The following ZMYND12 variants were observed in gnomAD, a reference collection of about 807,000 sequenced individuals.
The protein encoded by ZMYND12 is zinc finger MYND-type containing 12.
A neutral mutation model predicts 41.7 loss-of-function variants in ZMYND12; 32 were observed. The observed-to-expected ratio is 0.77, with a 90% CI of 0.58 to 1.03. ZMYND12 has a LOEUF of 1.03. ZMYND12 is among the 50% of genes least tolerant of loss of function. The pLI, the probability that ZMYND12 is intolerant of heterozygous loss-of-function variation, is 0.00. For missense variants in ZMYND12, 424 were observed against 438.5 expected (o/e 0.97, Z 0.30); for synonymous variants, 148 against 164.8 (o/e 0.90, Z 0.78).
Position 42,448,527 on chromosome 1 carries a change from A to G in ZMYND12, c.364T>C (p.Tyr122His), listed in dbSNP as rs1643047798. 6.2e-7 allele frequency: 1 copy of G among 1,613,764 alleles called. No individual in the cohort carries two copies. The highest frequency in any genetic ancestry group is 8.5e-7 in the Non-Finnish European group (1 of 1,179,822). Reference protein sequence around the residue: ...LQSLRFRVKLYGLSSVELVPA... With the variant: ...LQSLRFRVKLHGLSSVELVPA... ...ACAAGCTCTACGGAGCTCAGGCCAT[A>G]CAGCTTCACACGGAAGCGAAGGGAC... Residue 122 changes from tyrosine (Y) to histidine (H), a missense_variant, in exon 3 of 8, where the codon TAT becomes CAT. Tyr to His is a moderately conservative substitution (Grantham distance 83, BLOSUM62 2). Coordinates refer to ENST00000372565, the MANE Select transcript of ZMYND12 (RefSeq NM_032257.5).
At chr1:42,445,512 G>C (rs1390463407) in intron 3 of ZMYND12, among the ~76,000 whole-genome samples, 1 of 151,912 alleles carries the variant, frequency 6.6e-6, no homozygotes, top group East Asian at 2.0e-4. Context: ...AGTAACCCTT[G>C]AGCTGAAACC....
chr1:42,452,711 A>G (rs1643095593), intron 1 of ZMYND12, among the ~76,000 whole-genome samples: 2 of 152,168 alleles, frequency 1.3e-5, no homozygotes, highest in Admixed American at 1.3e-4. Flanking sequence ...TCAAAAAAAT[A>G]ATAAAAAAAT....
At chr1:42,446,281 G>T (rs1340223758) in intron 3 of ZMYND12, among the ~76,000 whole-genome samples, 3 of 152,188 alleles carry the variant, frequency 2.0e-5, no homozygotes, top group Non-Finnish European at 2.9e-5. Flanking sequence ...AGGAATGGAA[G>T]TAAATCAGAT....
At chr1:42,443,812 C>A (rs1326741380) in intron 3 of ZMYND12, among the ~76,000 whole-genome samples, 1 of 152,090 alleles carries the variant, frequency 6.6e-6, no homozygotes, top group Non-Finnish European at 1.5e-5. Context: ...ATGCTCAATG[C>A]ACACTAAGAC....
Position 42,436,437 on chromosome 1 carries a change from T to A in ZMYND12, c.701A>T (p.Asp234Val), listed in dbSNP as rs1245017400. The change falls in exon 5 of 8, where the codon GAC becomes GTC. Residue 234 changes from aspartate (D) to valine (V), a missense_variant. Physicochemically the swap from Asp to Val is radical, Grantham distance 152 (BLOSUM62 -3). Coordinates refer to ENST00000372565, the MANE Select transcript of ZMYND12 (RefSeq NM_032257.5). The part of the protein sequence containing the change: ...FYDLKKLDLA[D>V]TLYTKVSEIW... The stretch of plus-strand genomic sequence containing the variant: ...CCAGCTCACCTTGGTGTACAATGTG[T>A]CTGCCAGGTCCAACTTTTTAAGGTC... 1.2e-6 allele frequency: 2 copies of A among 1,613,490 alleles called. No individual in the cohort carries two copies. Among genetic ancestry groups the A allele is most frequent in the South Asian group, 1.1e-5 (1 of 91,078 alleles).
At chr1:42,437,349 G>A (rs1468287070) in intron 4 of ZMYND12, among the ~76,000 whole-genome samples, 1 of 152,088 alleles carries the variant, frequency 6.6e-6, no homozygotes, top group Non-Finnish European at 1.5e-5. Context: ...ACTTGATTGT[G>A]CTAATGGTTG....
At chr1:42,434,422 C>A (rs1293921750) in intron 6 of ZMYND12, among the ~76,000 whole-genome samples, 1 of 152,154 alleles carries the variant, frequency 6.6e-6, no homozygotes, top group Non-Finnish European at 1.5e-5. Context: ...TGTCCTGGAG[C>A]AAGAGTCCCC....
chr1:42,446,480 C>T (rs7554429), intron 3 of ZMYND12, among the ~76,000 whole-genome samples: 34,566 of 151,652 alleles, frequency 0.23, 5,068 homozygotes, highest in Non-Finnish European at 0.32. Flanking sequence ...GGTGAAACCC[C>T]GTCTCTACTA....
intron 5 of ZMYND12, 48 bp from the exon 6 acceptor site, chr1:42,435,433 C>T (rs1642895569): frequency 3.5e-6 from 5 of 1,445,416 alleles, no homozygotes; most frequent in East Asian, 4.6e-5. Flanking sequence ...AGACCTCAGC[C>T]GTCGGACCAG....
At chr1:42,452,793 A>T (rs1224763338) in intron 1 of ZMYND12, among the ~76,000 whole-genome samples, 2 of 152,224 alleles carry the variant, frequency 1.3e-5, no homozygotes. Flanking sequence ...TCCACTATAG[A>T]GCAATATGCA....
chr1:42,436,131 A>C (rs1642905702), intron 5 of ZMYND12, among the ~76,000 whole-genome samples: 1 of 152,186 alleles, frequency 6.6e-6, no homozygotes, highest in Admixed American at 6.5e-5. Context: ...TATGGGTATG[A>C]CACAGCATAC....
intron 6 of ZMYND12, 147 bp downstream of exon 6, chr1:42,435,127 T>G (rs1642893043): frequency 1.6e-6 from 1 of 643,118 alleles, no homozygotes; most frequent in African/African-American, 1.8e-5. Flanking sequence ...TTGATCCCCG[T>G]GTCTCAGTTT....
chr1:42,433,256 G>A lies in ZMYND12; in HGVS notation c.862C>T (p.Leu288=), dbSNP rs1642873640. The A allele has an allele frequency of 6.2e-7, 1 of 1,608,966 alleles. No homozygotes were observed. Among genetic ancestry groups the A allele is most frequent in the Non-Finnish European group, 8.5e-7 (1 of 1,178,646 alleles). ...TCTCGAATGTTCAAGATTGAAGTCA[G>A]GATGCGAATGGCTTCTGCTTCTTGG... The part of the protein sequence containing the change: ...EAQEAEAIRI[L]TSILNIREST... Residue 288 remains leucine, a synonymous_variant, in exon 7 of 8, where the codon CTG becomes TTG. Coordinates refer to ENST00000372565, the MANE Select transcript of ZMYND12 (RefSeq NM_032257.5).
In ZMYND12 at chr1:42,450,073, CAT is replaced by C. The variant is rs1324379272; in HGVS notation, c.111-16_111-15del. On this transcript the variant is annotated splice_polypyrimidine_tract_variant and intron_variant, in intron 1 of 7. Transcript: ENST00000372565. The stretch of plus-strand genomic sequence containing the variant: ...TGTACCACCCCACTGACAACGGAAA[CAT>C]AGACTTTATGATCTTTATATTTGGC... 11 of 1,612,860 alleles carry C rather than the reference CAT, an allele frequency of 6.8e-6. No individual in the cohort carries two copies. Among genetic ancestry groups the C allele is most frequent in the African/African-American group, 1.3e-5 (1 of 74,922 alleles).
At chr1:42,440,678 T>C (rs1332466500) in intron 3 of ZMYND12, among the ~76,000 whole-genome samples, 1 of 152,128 alleles carries the variant, frequency 6.6e-6, no homozygotes, top group Non-Finnish European at 1.5e-5. Context: ...TTGTTGTTGT[T>C]GTTGTTTTTT....
In ZMYND12 at chr1:42,433,245, G is replaced by T; in HGVS notation, c.873C>A (p.Ile291=). The T allele has an allele frequency of 1.2e-6, 2 of 1,611,432 alleles. No individual in the cohort carries two copies. Among genetic ancestry groups the T allele is most frequent in the Non-Finnish European group, 1.7e-6 (2 of 1,179,278 alleles). The change falls in exon 7 of 8, where the codon ATC becomes ATA. Residue 291 remains isoleucine, a synonymous_variant. Transcript: ENST00000372565. ...EAEAIRILTS[I]LNIRESTSDK... is the part of the protein sequence containing the mutation. ...CAGATGTAGATTCTCGAATGTTCAA[G>T]ATTGAAGTCAGGATGCGAATGGCTT...
At chr1:42,437,067 G>A (rs1292863049) in intron 4 of ZMYND12, among the ~76,000 whole-genome samples, 1 of 152,156 alleles carries the variant, frequency 6.6e-6, no homozygotes, top group Non-Finnish European at 1.5e-5. Context: ...TAAATGGATA[G>A]ACAAATTGTA....
chr1:42,446,645 C>G (rs993381883), intron 3 of ZMYND12, among the ~76,000 whole-genome samples: 2 of 124,492 alleles, frequency 1.6e-5, no homozygotes, highest in Non-Finnish European at 3.5e-5. Flanking sequence ...GAGTGAGACT[C>G]GGTCTCAAAA....
At chr1:42,446,455 C>G (rs374676392) in intron 3 of ZMYND12, among the ~76,000 whole-genome samples, 1 of 151,954 alleles carries the variant, frequency 6.6e-6, no homozygotes, top group East Asian at 1.9e-4. Context: ...GACAGGAGTT[C>G]AAGATCACAA....
Sources: allele counts gnomAD v4.1 joint callset (sites outside exome capture counted in the v4.1 genomes callset), GRCh38; gene constraint gnomAD v4.1.1; transcripts MANE v1.5; gene names NCBI Gene and HGNC (gene_info 2026-07-23, HGNC 2026-07-21).